Variants in PTPRQ observed in about 807,000 individuals in gnomAD.
The protein encoded by PTPRQ is phosphatidylinositol phosphatase PTPRQ.
In PTPRQ, 199 loss-of-function variants were observed where a neutral mutation model predicts 246.0. The observed-to-expected ratio is 0.81, with a 90% CI of 0.72 to 0.91. The LOEUF (loss-of-function observed/expected upper bound fraction) is 0.91, where lower values mean the gene tolerates loss of function less well. Among genes scored for constraint, PTPRQ ranks in the 40% least tolerant of loss-of-function variants. PTPRQ has a pLI of 0.00. For missense variants in PTPRQ, 2,624 were observed against 2,528.4 expected, an observed-to-expected ratio of 1.04 and a Z score of -0.81; for synonymous variants, 869 against 853.2, an observed-to-expected ratio of 1.02 and a Z score of -0.32.
At chr12:80,549,254 C>G (rs965420018) in intron 24 of PTPRQ, among the ~76,000 whole-genome samples, 2 of 152,092 alleles carry the variant, frequency 1.3e-5, no homozygotes, top group African/African-American at 4.8e-5. Context: ...TGGTTCAATA[C>G]TGTAATGATT....
intron 19 of PTPRQ, among the ~76,000 whole-genome samples, chr12:80,535,422 T>C (rs1895957500): frequency 6.6e-6 from 1 of 152,208 alleles, no homozygotes; most frequent in South Asian, 2.1e-4. Flanking sequence ...TTTCATTTGT[T>C]TGTATATGAT....
At chr12:80,613,547 G>A in intron 28 of PTPRQ, 45 bp from the exon 29 acceptor site, 2 of 1,431,480 alleles carry the variant, frequency 1.4e-6, no homozygotes, top group East Asian at 5.1e-5. Flanking sequence ...AGATAAAAAG[G>A]AATACAATAT....
At chr12:80,592,372 A>C (rs1897827964) in intron 26 of PTPRQ, among the ~76,000 whole-genome samples, 1 of 152,190 alleles carries the variant, frequency 6.6e-6, no homozygotes, top group African/African-American at 2.4e-5. Context: ...TTTTCTAATG[A>C]TAAATATTGT....
chr12:80,642,199 TTCTAA>T (rs1212081208), intron 35 of PTPRQ, among the ~76,000 whole-genome samples: 2 of 152,322 alleles, frequency 1.3e-5, no homozygotes, highest in Non-Finnish European at 2.9e-5. Flanking sequence ...CTGAGGTTGC[TTCTAA>T]CATCTAACAG....
chr12:80,472,295 G>C, intron 8 of PTPRQ, 44 bp downstream of exon 8: 1 of 1,540,524 alleles, frequency 6.5e-7, no homozygotes, highest in South Asian at 1.2e-5. Context: ...GTATGCTTAT[G>C]AACTTCATGA....
chr12:80,640,090 G>T (rs1014537861), intron 35 of PTPRQ, among the ~76,000 whole-genome samples: 1 of 150,710 alleles, frequency 6.6e-6, no homozygotes, highest in African/African-American at 2.4e-5. Context: ...TACTAGAGAA[G>T]ATTAATGTAA....
At chr12:80,559,037 TTTTCTTTTC>T (rs765352727) in intron 25 of PTPRQ, among the ~76,000 whole-genome samples, 30 of 152,168 alleles carry the variant, frequency 2.0e-4, no homozygotes, top group Non-Finnish European at 4.3e-4. Flanking sequence ...GTAGCTTGTC[TTTTCTTTTC>T]TTTCTTTTCT....
At chr12:80,504,987 T>C (rs1894909529) in intron 14 of PTPRQ, among the ~76,000 whole-genome samples, 5 of 151,864 alleles carry the variant, frequency 3.3e-5, no homozygotes, top group South Asian at 4.1e-4. Flanking sequence ...ACTTCTATGG[T>C]ACATGCAGAA....
chr12:80,508,965 C>A (rs1048172831), intron 16 of PTPRQ, among the ~76,000 whole-genome samples: 1 of 151,848 alleles, frequency 6.6e-6, no homozygotes, highest in African/African-American at 2.4e-5. Context: ...AATTGAAGTC[C>A]TTTTTGTAAA....
intron 33 of PTPRQ, 108 bp from the exon 34 acceptor site, chr12:80,632,084 T>G (rs1899459035): frequency 3.6e-6 from 5 of 1,402,216 alleles, no homozygotes; most frequent in Middle Eastern, 2.0e-4. Context: ...ACTAGTATTC[T>G]TCAGCAAAGA....
In PTPRQ at chr12:80,605,061, C is replaced by A; in HGVS notation, c.4612C>A (p.Pro1538Thr). ...WISTKTLPGP[P>T]DGPPENVHVV... ...TAATTAATTTTCTATTGTCATAGCT[C>A]CAGATGGTCCTCCTGAAAATGTTCA... Residue 1538 changes from proline (P) to threonine (T), a missense_variant and splice_region_variant, in exon 27 of 45, where the codon CCA becomes ACA. By Grantham distance (38) the Pro-to-Thr change is conservative. Transcript: ENST00000644991. The A allele has an allele frequency of 6.5e-7, 1 of 1,540,124 alleles. No individual in the cohort carries two copies. The highest frequency in any genetic ancestry group is 1.4e-5 in the African/African-American group (1 of 72,422).
intron 14 of PTPRQ, among the ~76,000 whole-genome samples, chr12:80,500,591 T>A (rs1327318194): frequency 6.6e-6 from 1 of 151,990 alleles, no homozygotes; most frequent in Non-Finnish European, 1.5e-5. Flanking sequence ...CATCACAAAT[T>A]CCCTTTTTGT....
intron 14 of PTPRQ, among the ~76,000 whole-genome samples, chr12:80,504,028 A>T (rs1327354974): frequency 6.6e-6 from 1 of 151,570 alleles, no homozygotes; most frequent in African/African-American, 2.4e-5. Context: ...TGGTTTAAAA[A>T]TTTCTGCTTG....
chr12:80,645,183 T>A (rs1176381440), intron 35 of PTPRQ, among the ~76,000 whole-genome samples: 1 of 152,106 alleles, frequency 6.6e-6, no homozygotes, highest in African/African-American at 2.4e-5. Flanking sequence ...TGTGCCTATT[T>A]GTTTATCACT....
chr12:80,601,168 CATA>C (rs1898131098), intron 26 of PTPRQ, among the ~76,000 whole-genome samples: 2 of 151,942 alleles, frequency 1.3e-5, no homozygotes, highest in South Asian at 4.1e-4. Context: ...CACCATGGTA[CATA>C]ATACTTCCTA....
Position 80,459,380 on chromosome 12 carries a change from C to G in PTPRQ, c.557C>G (p.Thr186Ser). ...YLPRQPNGKI[T>S]SFKISVKHAR... Reference sequence around the variant, plus strand: ...CCTCGGCAACCAAATGGCAAAATTACCAGCTTCAAGATTAGTGTCAAGCAT... The same window carrying G: ...CCTCGGCAACCAAATGGCAAAATTAGCAGCTTCAAGATTAGTGTCAAGCAT... The change falls in exon 5 of 45, where the codon ACC becomes AGC. Residue 186 changes from threonine to serine, a missense_variant. By Grantham distance (58) the Thr-to-Ser change is moderately conservative (BLOSUM62 1). Transcript: ENST00000644991. The G allele has an allele frequency of 1.0e-5, 4 of 398,396 alleles. No individual in the cohort carries two copies. The South Asian group carries it at 5.1e-4, about 51-fold the overall frequency. The allele number at this position is 398,396 out of a possible 1,614,324, so 24.7% of individuals were successfully genotyped here.
At chr12:80,527,239 A>T (rs1895713762) in intron 17 of PTPRQ, among the ~76,000 whole-genome samples, 1 of 152,130 alleles carries the variant, frequency 6.6e-6, no homozygotes, top group Admixed American at 6.6e-5. Context: ...ATGTTTTGAA[A>T]AATATTTATA....
chr12:80,631,444 T>G (rs1899431439), intron 33 of PTPRQ, among the ~76,000 whole-genome samples: 1 of 152,208 alleles, frequency 6.6e-6, no homozygotes. Context: ...CAATTTCCAT[T>G]TTTATTAAAT....
At chr12:80,604,045 C>G (rs1898229254) in intron 26 of PTPRQ, among the ~76,000 whole-genome samples, 1 of 151,498 alleles carries the variant, frequency 6.6e-6, no homozygotes, top group Non-Finnish European at 1.5e-5. Context: ...TCACCAAGAT[C>G]ATACAACTTG....
Sources: gnomAD v4.1 joint callset for allele counts (sites outside exome capture counted in the v4.1 genomes callset) on GRCh38, gnomAD v4.1.1 for gene constraint, MANE v1.5 for transcripts, NCBI Gene and HGNC (gene_info 2026-07-23, HGNC 2026-07-21) for gene names.